Variants in SLC38A6 observed in about 807,000 individuals in gnomAD.
SLC38A6 encodes the protein N system amino acid transporter NAT-1.
SLC38A6 carries 73 observed loss-of-function variants against 65.0 expected under a neutral mutation model. That is an observed-to-expected ratio of 1.12 (90% CI 0.93 to 1.37). SLC38A6 has a LOEUF of 1.37. SLC38A6 is among the 40% of genes most tolerant of loss of function. The pLI is 0.00. For missense variants in SLC38A6, 561 were observed against 531.1 expected (o/e 1.06, Z -0.55); for synonymous variants, 183 against 178.8 (o/e 1.02, Z -0.19).
At chr14:61,010,401 T>C (rs1372169901) in intron 3 of SLC38A6, among the ~76,000 whole-genome samples, 1 of 152,236 alleles carries the variant, frequency 6.6e-6, no homozygotes, top group African/African-American at 2.4e-5. Flanking sequence ...CATTTGTCAA[T>C]TTTGGCTTTT....
At chr14:61,081,412 A>G (rs534363593) in intron 16 of SLC38A6, among the ~76,000 whole-genome samples, 2 of 146,584 alleles carry the variant, frequency 1.4e-5, no homozygotes, top group African/African-American at 2.5e-5. Flanking sequence ...TTCATGTTCC[A>G]TGAAGCCTTT....
intron 15 of SLC38A6, 33 bp downstream of exon 15, chr14:61,052,168 T>G: frequency 6.7e-7 from 1 of 1,482,498 alleles, no homozygotes; most frequent in South Asian, 1.3e-5. Context: ...TTTCAAGACT[T>G]CTATTTTAAG....
At chr14:61,010,227 T>A (rs1030361237) in intron 3 of SLC38A6, among the ~76,000 whole-genome samples, 12 of 152,060 alleles carry the variant, frequency 7.9e-5, no homozygotes, top group Non-Finnish European at 1.6e-4. Context: ...GTTGATGCGG[T>A]TGTTTTTTTC....
intron 5 of SLC38A6, 115 bp downstream of exon 5, chr14:61,019,695 A>G: frequency 9.4e-7 from 1 of 1,063,440 alleles, no homozygotes; most frequent in South Asian, 1.4e-5. Context: ...CTATCTTCAG[A>G]AGCCTGTGTG....
At chr14:61,010,692 T>C (rs1323948249) in intron 3 of SLC38A6, among the ~76,000 whole-genome samples, 3 of 152,210 alleles carry the variant, frequency 2.0e-5, no homozygotes, top group Non-Finnish European at 2.9e-5. Context: ...CAGATAGTTG[T>C]AGATATGCGA....
intron 15 of SLC38A6, among the ~76,000 whole-genome samples, chr14:61,070,516 C>T (rs2043192946): frequency 6.6e-6 from 1 of 152,218 alleles, no homozygotes; most frequent in Non-Finnish European, 1.5e-5. Flanking sequence ...CAGCAACAAA[C>T]ATGGGAGTGC....
intron 10 of SLC38A6, 75 bp downstream of exon 10, chr14:61,043,578 C>G: frequency 9.4e-7 from 1 of 1,067,372 alleles, no homozygotes; most frequent in Non-Finnish European, 1.4e-6. Context: ...GTAACAGGGT[C>G]TCTTAGGTCT....
chr14:60,988,122 C>G lies in SLC38A6; in HGVS notation c.310+3319C>G, dbSNP rs75700278. Among the ~76,000 whole-genome samples, 422 of 152,294 alleles carry G rather than the reference C, an allele frequency of 2.8e-3. 2 individuals carry two copies. The highest frequency in any genetic ancestry group is 4.5e-3 in the Non-Finnish European group (308 of 68,020). On this transcript the variant is annotated intron_variant, in intron 3 of 15. Coordinates refer to ENST00000267488, the MANE Select transcript of SLC38A6 (RefSeq NM_153811.3). Reference sequence around the variant, plus strand: ...CTCTTCTGAACATTTCTGTCTGTTTCTTACACTACGAGAACCTCCTCTGAG... The same window carrying G: ...CTCTTCTGAACATTTCTGTCTGTTTGTTACACTACGAGAACCTCCTCTGAG...
At chr14:61,040,836 A>G (rs1461059343) in intron 8 of SLC38A6, among the ~76,000 whole-genome samples, 1 of 152,220 alleles carries the variant, frequency 6.6e-6, no homozygotes, top group African/African-American at 2.4e-5. Flanking sequence ...TCTACTGAAC[A>G]CTATGTTAGG....
chr14:61,047,953 G>A (rs1029228115), intron 12 of SLC38A6, among the ~76,000 whole-genome samples: 2 of 150,528 alleles, frequency 1.3e-5, no homozygotes, highest in African/African-American at 4.9e-5. Flanking sequence ...ATAGATGATA[G>A]ATTAGATAGA....
chr14:61,005,543 C>CTG (rs923799173), intron 3 of SLC38A6, among the ~76,000 whole-genome samples: 1 of 151,326 alleles, frequency 6.6e-6, no homozygotes, highest in Non-Finnish European at 1.5e-5. Context: ...CAATAACAGA[C>CTG]AAACAGAGAG....
intron 3 of SLC38A6, among the ~76,000 whole-genome samples, chr14:61,002,518 A>T (rs1316845939): frequency 6.6e-6 from 1 of 152,180 alleles, no homozygotes; most frequent in East Asian, 1.9e-4. Context: ...CTTTACTATG[A>T]CCAGAGTTTA....
intron 15 of SLC38A6, among the ~76,000 whole-genome samples, chr14:61,061,268 T>G (rs1387935220): frequency 6.6e-6 from 1 of 152,208 alleles, no homozygotes; most frequent in African/African-American, 2.4e-5. Flanking sequence ...TGAACCAACC[T>G]TGCATCCCGT....
intron 3 of SLC38A6, among the ~76,000 whole-genome samples, chr14:61,007,782 A>G (rs1197070792): frequency 1.3e-5 from 2 of 152,176 alleles, no homozygotes; most frequent in East Asian, 3.8e-4. Flanking sequence ...ATGCCAAATT[A>G]GAAAATGATA....
At chr14:61,012,082 A>C (rs563261141) in intron 3 of SLC38A6, among the ~76,000 whole-genome samples, 1 of 152,226 alleles carries the variant, frequency 6.6e-6, no homozygotes, top group South Asian at 2.1e-4. Context: ...GTCTATTCAG[A>C]GATTCAACTT....
At chr14:61,021,055 A>G (rs574658427) in intron 5 of SLC38A6, among the ~76,000 whole-genome samples, 4 of 152,158 alleles carry the variant, frequency 2.6e-5, no homozygotes, top group Admixed American at 6.5e-5. Flanking sequence ...AGATGGCTAT[A>G]CTGTAGCACT....
intron 5 of SLC38A6, among the ~76,000 whole-genome samples, chr14:61,022,136 A>T (rs1162488618): frequency 2.0e-5 from 3 of 151,976 alleles, no homozygotes; most frequent in Non-Finnish European, 4.4e-5. Context: ...TAACGTATTA[A>T]CGTATTTTAT....
At chr14:61,077,733 T>C (rs927530459) in intron 15 of SLC38A6, among the ~76,000 whole-genome samples, 1 of 152,248 alleles carries the variant, frequency 6.6e-6, no homozygotes, top group Non-Finnish European at 1.5e-5. Flanking sequence ...CTTGTATTCA[T>C]ACATTTTAAT....
chr14:60,995,631 A>T (rs1425884269), intron 3 of SLC38A6, among the ~76,000 whole-genome samples: 3 of 152,160 alleles, frequency 2.0e-5, no homozygotes, highest in Admixed American at 2.0e-4. Flanking sequence ...GAGGAAGGGC[A>T]AGAGGGAAGG....
Sources: allele counts gnomAD v4.1 joint callset (sites outside exome capture counted in the v4.1 genomes callset), GRCh38; gene constraint gnomAD v4.1.1; transcripts MANE v1.5; gene names NCBI Gene and HGNC (gene_info 2026-07-23, HGNC 2026-07-21).